MAP4K5: variants seen among roughly 807,000 people sequenced by gnomAD.
The protein encoded by MAP4K5 is mitogen-activated protein kinase kinase kinase kinase 5, also known as MAPK/ERK kinase kinase kinase 5.
In MAP4K5, 82 loss-of-function variants were observed where a neutral mutation model predicts 135.6. The observed-to-expected ratio is 0.60, with a 90% confidence interval of 0.51 to 0.73. The LOEUF is 0.73. MAP4K5 is among the 30% of genes least tolerant of loss of function. The pLI, the probability that MAP4K5 is intolerant of heterozygous loss-of-function variation, is 0.00. For synonymous variants in MAP4K5, 347 were observed against 335.0 expected (o/e 1.04, Z -0.39); for missense variants, 907 against 1,010.9 (o/e 0.90, Z 1.39).
At chr14:50,487,336 T>C (rs2037386289) in intron 3 of MAP4K5, among the ~76,000 whole-genome samples, 1 of 150,226 alleles carries the variant, frequency 6.7e-6, no homozygotes, top group Non-Finnish European at 1.5e-5. Flanking sequence ...AACCCATACA[T>C]ACATTTAGTT....
chr14:50,499,552 G>A (rs2037663646), intron 3 of MAP4K5, among the ~76,000 whole-genome samples: 1 of 151,960 alleles, frequency 6.6e-6, no homozygotes, highest in Non-Finnish European at 1.5e-5. Flanking sequence ...CAGCTACTCA[G>A]GAGGCTGAGG....
intron 14 of MAP4K5, among the ~76,000 whole-genome samples, chr14:50,451,079 A>G (rs988212883): frequency 2.0e-5 from 3 of 152,198 alleles, no homozygotes; most frequent in African/African-American, 7.2e-5. Flanking sequence ...CAGTAGAAAA[A>G]CAGAAATTAT....
At chr14:50,431,359 G>A (rs9323187) in intron 28 of MAP4K5, among the ~76,000 whole-genome samples, 4,854 of 152,078 alleles carry the variant, frequency 0.032, 238 homozygotes, top group African/African-American at 0.11. Flanking sequence ...CCACTAACTC[G>A]TCATCTAGCA....
intron 14 of MAP4K5, among the ~76,000 whole-genome samples, chr14:50,451,654 T>C (rs2036487771): frequency 6.6e-6 from 1 of 152,034 alleles, no homozygotes; most frequent in Non-Finnish European, 1.5e-5. Context: ...AACTTACAGA[T>C]ATGTTACAGG....
chr14:50,425,420 A>T (rs1199385690), intron 31 of MAP4K5, among the ~76,000 whole-genome samples: 2 of 152,234 alleles, frequency 1.3e-5, no homozygotes, highest in Non-Finnish European at 2.9e-5. Flanking sequence ...AGTGCCTGGA[A>T]CACAGTAGGT....
At chr14:50,449,856 T>C (rs1215723534) in intron 14 of MAP4K5, 2 of 152,196 alleles carry the variant, frequency 1.3e-5, no homozygotes, top group Non-Finnish European at 2.9e-5. Flanking sequence ...AAGTTTGTTT[T>C]TGTGACAACC....
At chr14:50,462,643 G>C (rs1172751477) in intron 13 of MAP4K5, 22 bp downstream of exon 13, 1 of 1,499,434 alleles carries the variant, frequency 6.7e-7, no homozygotes, top group East Asian at 2.3e-5. Flanking sequence ...TTTCAACTAT[G>C]AGACTGCAAA....
chr14:50,433,298 TA>T (rs1229367802), intron 28 of MAP4K5, among the ~76,000 whole-genome samples: 3 of 152,212 alleles, frequency 2.0e-5, no homozygotes, highest in African/African-American at 7.2e-5. Flanking sequence ...GAAGGGTACA[TA>T]ATGTGACCTC....
chr14:50,429,909 T>C lies in MAP4K5; in HGVS notation c.2165-649A>G, dbSNP rs751649787. ...TGATAGATGTAATAACATTAAAAAT[T>C]TTTTTGATAAAACAATGCATTTTAA... On this transcript the variant is annotated intron_variant, in intron 28 of 32. Coordinates refer to ENST00000682126, the MANE Select transcript of MAP4K5 (RefSeq NM_006575.6). Among the ~76,000 whole-genome samples, 18 of 152,190 alleles carry C rather than the reference T, an allele frequency of 1.2e-4. 1 individual carries two copies. The highest frequency in any genetic ancestry group is 2.2e-4 in the Non-Finnish European group (15 of 68,026).
At chr14:50,461,869 A>C (rs1268742953) in intron 13 of MAP4K5, among the ~76,000 whole-genome samples, 3 of 152,014 alleles carry the variant, frequency 2.0e-5, no homozygotes, top group Non-Finnish European at 4.4e-5. Flanking sequence ...CAGTGAGCCA[A>C]GATTGTGTTA....
Position 50,475,166 on chromosome 14 carries a change from C to A in MAP4K5, c.470-17G>T, listed in dbSNP as rs2037067412. On this transcript the variant is annotated splice_polypyrimidine_tract_variant and intron_variant, in intron 8 of 32. Transcript: ENST00000682126. The stretch of plus-strand genomic sequence containing the variant: ...CAAAGTCAGCTAGTGAGGAAAAAAA[C>A]AGAAAATTTTAGTTCTTTACAATAC... The A allele has an allele frequency of 6.2e-7, 1 of 1,610,346 alleles. No homozygotes were observed. The highest frequency in any genetic ancestry group is 1.1e-5 in the South Asian group (1 of 90,938).
chr14:50,424,671 C>T (rs1458910835), intron 31 of MAP4K5, among the ~76,000 whole-genome samples: 2 of 143,392 alleles, frequency 1.4e-5, no homozygotes, highest in East Asian at 4.1e-4. Flanking sequence ...GATTGTGCCG[C>T]TGCACTCCAG....
In MAP4K5 at chr14:50,485,620, T is replaced by C. The variant is rs2037346870; in HGVS notation, c.280A>G (p.Met94Val). Residue 94 changes from methionine to valine, a missense_variant, in exon 5 of 33, where the codon ATG becomes GTG. This residue lies in a region of MAP4K5 where 196 missense variants were observed against 189.3 expected (regional missense o/e 1.04). Transcript: ENST00000682126. ...YLSREKLWIC[M>V]EYCGGGSLQD... ...AGTGATCCGCCACCACAGTATTCCATACAAATCCATAGTTTTTCCCGACTA... is the reference window on the plus strand; with the variant it reads ...AGTGATCCGCCACCACAGTATTCCACACAAATCCATAGTTTTTCCCGACTA... 2 of 1,549,114 alleles carry C rather than the reference T, an allele frequency of 1.3e-6. No homozygotes were observed. The highest frequency in any genetic ancestry group is 1.7e-6 in the Non-Finnish European group (2 of 1,143,748).
rs746580207 is a variant in MAP4K5, at chr14:50,468,673, T to C, written c.652A>G (p.Met218Val). The C allele has an allele frequency of 1.2e-5, 20 of 1,613,354 alleles. No homozygotes were observed. Among genetic ancestry groups the C allele is most frequent in the Non-Finnish European group, 1.5e-5 (18 of 1,179,572 alleles). The stretch of plus-strand genomic sequence containing the variant: ...CACCTCATTGGGTGGAGATCAAACA[T>C]AGGTGGCTGAAGTTCTCCAAGTTCA... ...AIELGELQPP[M>V]FDLHPMRALF... The change falls in exon 10 of 33, where the codon ATG (methionine) becomes GTG (valine). Residue 218 changes from methionine (M) to valine (V), a missense_variant. Transcript: ENST00000682126.
chr14:50,467,050 G>C (rs1420733332), intron 10 of MAP4K5, among the ~76,000 whole-genome samples: 4 of 151,942 alleles, frequency 2.6e-5, no homozygotes, highest in Admixed American at 6.6e-5. Context: ...ATTTATTTTG[G>C]GTGGGTGTAT....
intron 2 of MAP4K5, among the ~76,000 whole-genome samples, chr14:50,510,215 T>C (rs946711314): frequency 1.3e-5 from 2 of 152,204 alleles, no homozygotes; most frequent in African/African-American, 4.8e-5. Flanking sequence ...CATGAAAAGA[T>C]CTAATATGCT....
chr14:50,517,922 A>G (rs2038068117), intron 2 of MAP4K5, among the ~76,000 whole-genome samples: 1 of 152,228 alleles, frequency 6.6e-6, no homozygotes, highest in South Asian at 2.1e-4. Context: ...ATCACTACAT[A>G]TATTAGTCAT....
At chr14:50,422,392 A>C (rs1032221936) in intron 32 of MAP4K5, among the ~76,000 whole-genome samples, 2 of 152,068 alleles carry the variant, frequency 1.3e-5, no homozygotes, top group African/African-American at 4.8e-5. Flanking sequence ...CTCCTTCCTC[A>C]AGTATCTAAA....
chr14:50,533,286 C>G (rs1402919420), upstream of MAP4K5: 1 of 152,054 alleles, frequency 6.6e-6, no homozygotes, highest in Non-Finnish European at 1.5e-5. Context: ...GGTTCTGGTT[C>G]TACCACTTCC....
Sources: allele counts gnomAD v4.1 joint callset (sites outside exome capture counted in the v4.1 genomes callset), GRCh38; gene constraint gnomAD v4.1.1; regional missense constraint gnomAD v4.1.1; transcripts MANE v1.5; gene names NCBI Gene and HGNC (gene_info 2026-07-23, HGNC 2026-07-21).